Variants in FGFRL1 observed in about 807,000 individuals in gnomAD.
FGFRL1 encodes fibroblast growth factor receptor like 1.
FGFRL1 carries 24 observed loss-of-function variants against 36.8 expected under a neutral mutation model. That is an observed-to-expected ratio of 0.65 (90% CI 0.47 to 0.92). The LOEUF (loss-of-function observed/expected upper bound fraction) is 0.92, where lower values mean the gene tolerates loss of function less well. FGFRL1 is among the 40% of genes least tolerant of loss of function. The probability of loss-of-function intolerance (pLI) is 0.00; values close to 1 mark genes in which losing one functional copy is unlikely to be tolerated. For synonymous variants in FGFRL1, 422 were observed against 344.1 expected (o/e 1.23, Z -2.50); for missense variants, 785 against 753.4 (o/e 1.04, Z -0.49).
intron 2 of FGFRL1, among the ~76,000 whole-genome samples, chr4:1,020,343 G>A (rs923432639): frequency 7.7e-4 from 117 of 152,248 alleles, no homozygotes; most frequent in Middle Eastern, 6.8e-3. Context: ...GCCTGCGGCC[G>A]CCTCTCCGAC....
chr4:1,012,243 C>A (rs1044771735), intron 1 of FGFRL1: 6 of 480,272 alleles, frequency 1.2e-5, no homozygotes, highest in African/African-American at 8.2e-5. Context: ...GGAATCCAGA[C>A]GGTGTTTGGA....
At chr4:1,010,658 G>A (rs1280517415), upstream of FGFRL1, among the ~76,000 whole-genome samples, 37 of 152,322 alleles carry the variant, frequency 2.4e-4, no homozygotes, top group Admixed American at 2.4e-3. Context: ...TGGGCAGGCC[G>A]TGAGGTTTGT....
In FGFRL1 at chr4:1,025,652, CAG is replaced by C. The variant is rs1157187931; in HGVS notation, c.*309_*310del. On this transcript the variant is annotated 3_prime_UTR_variant, in exon 7 of 7. Coordinates refer to ENST00000510644, the MANE Select transcript of FGFRL1 (RefSeq NM_001004356.3). ...AGCTGCCCAAATGCACGCACACGCA[CAG>C]AGACATGCCAGAACATACAAGGACA... 1.0e-5 allele frequency: 5 copies of C among 500,426 alleles called. No individual in the cohort carries two copies. Among genetic ancestry groups the C allele is most frequent in the South Asian group, 7.4e-5 (3 of 40,450 alleles). The allele number at this position is 500,426 out of a possible 1,614,324, so 31.0% of individuals were successfully genotyped here. A position where few individuals can be genotyped will look rare whatever the true frequency, so the allele number is the denominator to read the frequency against.
At chr4:1,018,155 C>G (rs1715991372) in intron 2 of FGFRL1, among the ~76,000 whole-genome samples, 1 of 152,164 alleles carries the variant, frequency 6.6e-6, no homozygotes, top group South Asian at 2.1e-4. Flanking sequence ...CTGCCTCCGT[C>G]CCTCCAGACT....
upstream of FGFRL1, chr4:1,011,097 C>G (rs1029852122): frequency 6.6e-6 from 1 of 152,190 alleles, no homozygotes; most frequent in Non-Finnish European, 1.5e-5. Flanking sequence ...CTCCCGAAGA[C>G]CCCCCGGGGC....
At chr4:1,021,584 A>G (rs1716182268) in intron 2 of FGFRL1, among the ~76,000 whole-genome samples, 1 of 152,116 alleles carries the variant, frequency 6.6e-6, no homozygotes, top group Non-Finnish European at 1.5e-5. Context: ...TGGGTGCTGC[A>G]CAGACTCTCA....
chr4:1,021,256 G>A (rs1214645896), intron 2 of FGFRL1, among the ~76,000 whole-genome samples: 1 of 151,900 alleles, frequency 6.6e-6, no homozygotes, highest in East Asian at 1.9e-4. Flanking sequence ...CAGGAAAGGA[G>A]GCCTCTGCCA....
rs1396278698 is a variant in FGFRL1, at chr4:1,011,748, C to T, written c.-223C>T. On this transcript the variant is annotated 5_prime_UTR_variant, in exon 1 of 7. Coordinates refer to ENST00000510644, the MANE Select transcript of FGFRL1 (RefSeq NM_001004356.3). ...CGCGGACTCGCCCCCGCCGCCTGCC[C>T]GGTCCGGGACCCCGCGCCCCGAGCG... 2 of 140,734 alleles carry T rather than the reference C, an allele frequency of 1.4e-5. No homozygotes were observed. Among genetic ancestry groups the T allele is most frequent in the East Asian group, 4.4e-4 (2 of 4,500 alleles). The allele number at this position is 140,734 out of a possible 1,614,324, so 8.7% of individuals were successfully genotyped here.
chr4:1,014,125 G>A (rs1263562879), intron 2 of FGFRL1, among the ~76,000 whole-genome samples: 1 of 152,232 alleles, frequency 6.6e-6, no homozygotes, highest in Non-Finnish European at 1.5e-5. Flanking sequence ...CCAAGGACCA[G>A]CATGCAGAGG....
At chr4:1,022,631 C>T (rs1178808626) in intron 3 of FGFRL1, among the ~76,000 whole-genome samples, 156 bp downstream of exon 3, 1 of 152,168 alleles carries the variant, frequency 6.6e-6, no homozygotes, top group Non-Finnish European at 1.5e-5. Flanking sequence ...CTGGCTGCAC[C>T]TCTGCCACCA....
upstream of FGFRL1, among the ~76,000 whole-genome samples, chr4:1,010,601 G>T (rs895569502): frequency 6.6e-6 from 1 of 152,250 alleles, no homozygotes; most frequent in Admixed American, 6.5e-5. Flanking sequence ...GGATGGAGGA[G>T]GTGCTGGGAT....
chr4:1,025,119 C>G lies in FGFRL1; in HGVS notation c.1287C>G (p.Asp429Glu). 6.2e-7 allele frequency: 1 copy of G among 1,611,482 alleles called. No individual in the cohort carries two copies. The highest frequency in any genetic ancestry group is 1.1e-5 in the South Asian group (1 of 90,922). The stretch of plus-strand genomic sequence containing the variant: ...GGACGGCCCGCGACCGCAGCGGAGA[C>G]AAGGACCTTCCCTCGTTGGCCGCCC... ...PPGTARDRSGDKDLPSLAALS... is the reference protein window; with the variant it reads ...PPGTARDRSGEKDLPSLAALS... The change falls in exon 7 of 7, where the codon GAC becomes GAG. Residue 429 changes from aspartate (D) to glutamate (E), a missense_variant. Asp to Glu is a conservative substitution (Grantham distance 45). Coordinates refer to ENST00000510644, the MANE Select transcript of FGFRL1 (RefSeq NM_001004356.3).
intron 1 of FGFRL1, 109 bp from the exon 2 acceptor site, chr4:1,012,361 G>A (rs1715635857): frequency 1.6e-6 from 2 of 1,281,718 alleles, no homozygotes; most frequent in Non-Finnish European, 2.1e-6. Flanking sequence ...CGCGGGCGGG[G>A]AGGGCCTGTG....
chr4:1,023,691 G>C lies in FGFRL1; in HGVS notation c.403G>C (p.Gly135Arg). ...ESLGPDSSSG[G>R]QEDPASQQWA... ...CCTGGGGCCCGACAGCTCCTCTGGG[G>C]GTCAAGAGGACCCCGCCAGCCAGCA... is the stretch of plus-strand genomic sequence containing the variant. The change falls in exon 4 of 7, where the codon GGT (glycine) becomes CGT (arginine). Residue 135 changes from glycine to arginine, a missense_variant. Gly to Arg is a moderately radical substitution (Grantham distance 125). Coordinates refer to ENST00000510644, the MANE Select transcript of FGFRL1 (RefSeq NM_001004356.3). The surrounding 1 kb of genome is among the most constrained non-coding windows in gnomAD (Gnocchi z 6.0). 1.9e-6 allele frequency: 3 copies of C among 1,599,916 alleles called. No individual in the cohort carries two copies. The highest frequency in any genetic ancestry group is 2.6e-6 in the Non-Finnish European group (3 of 1,175,552).
At position 1,011,642 on chromosome 4, in the gene FGFRL1, C is replaced by G. The variant is rs1355192059; in HGVS notation, c.-329C>G. 2.8e-5 allele frequency among the ~76,000 whole-genome samples: 4 copies of G among 141,226 alleles called. No homozygotes were observed. Among genetic ancestry groups the G allele is most frequent in the Non-Finnish European group, 6.2e-5 (4 of 64,178 alleles). 92.6% of individuals were successfully genotyped at this position (141,226 alleles called of 152,430 possible). A position where few individuals can be genotyped will look rare whatever the true frequency, so the allele number is the denominator to read the frequency against. ...CGCTCCGGGAGAGTTGACAAAGCCC[C>G]GCAGGGAAGGACGCCTCGCGGCGCG... On this transcript the variant is annotated 5_prime_UTR_variant, in exon 1 of 7. Coordinates refer to ENST00000510644, the MANE Select transcript of FGFRL1 (RefSeq NM_001004356.3).
chr4:1,010,909 C>T (rs1715544368), upstream of FGFRL1: 1 of 152,264 alleles, frequency 6.6e-6, no homozygotes, highest in African/African-American at 2.4e-5. Flanking sequence ...ATGTTCTTGT[C>T]ATTCCCGTCA....
intron 2 of FGFRL1, among the ~76,000 whole-genome samples, chr4:1,018,640 G>A (rs899101965): frequency 1.4e-4 from 22 of 152,192 alleles, no homozygotes; most frequent in Admixed American, 1.4e-3. Context: ...TGCCCCGGCG[G>A]GGGTTCCCTG....
At position 1,025,510 on chromosome 4, in the gene FGFRL1, CAG is replaced by C; in HGVS notation, c.*165_*166del. On this transcript the variant is annotated 3_prime_UTR_variant, in exon 7 of 7. Coordinates refer to ENST00000510644, the MANE Select transcript of FGFRL1 (RefSeq NM_001004356.3). ...GGCATAGCCCCTGGACACACACACA[CAG>C]ACACACACACTGCCTGGATGCATGT... 2 of 796,426 alleles carry C rather than the reference CAG, an allele frequency of 2.5e-6. No individual in the cohort carries two copies. The highest frequency in any genetic ancestry group is 3.9e-6 in the Non-Finnish European group (2 of 507,228). 49.3% of individuals were successfully genotyped at this position (796,426 alleles called of 1,614,324 possible).
In FGFRL1 at chr4:1,025,572, G is replaced by A. The variant is rs1418983837; in HGVS notation, c.*225G>A. 1.6e-6 allele frequency: 1 copy of A among 622,226 alleles called. No individual in the cohort carries two copies. The highest frequency in any genetic ancestry group is 1.9e-5 in the African/African-American group (1 of 53,938). 38.5% of individuals were successfully genotyped at this position (622,226 alleles called of 1,614,324 possible). A position where few individuals can be genotyped will look rare whatever the true frequency, so the allele number is the denominator to read the frequency against. On this transcript the variant is annotated 3_prime_UTR_variant, in exon 7 of 7. Coordinates refer to ENST00000510644, the MANE Select transcript of FGFRL1 (RefSeq NM_001004356.3). ...CATGCGCGCACACGTGCTCCCTGAA[G>A]GCACACGTACGCACACACGCACATG... is the stretch of plus-strand genomic sequence containing the variant.
Sources: allele counts gnomAD v4.1 joint callset (sites outside exome capture counted in the v4.1 genomes callset), GRCh38; gene constraint gnomAD v4.1.1; non-coding constraint Gnocchi (gnomAD v3.1); transcripts MANE v1.5; gene names NCBI Gene and HGNC (gene_info 2026-07-23, HGNC 2026-07-21).